Variants in EGFLAM observed in about 807,000 individuals in gnomAD.
EGFLAM encodes the protein EGF like, fibronectin type III and laminin G domains.
A neutral mutation model predicts 113.1 loss-of-function variants in EGFLAM; 79 were observed. The observed-to-expected ratio is 0.70, with a 90% CI of 0.58 to 0.84. The LOEUF (loss-of-function observed/expected upper bound fraction) is 0.84, where lower values mean the gene tolerates loss of function less well. Among genes scored for constraint, EGFLAM ranks in the 40% least tolerant of loss-of-function variants. The pLI, the probability that EGFLAM is intolerant of heterozygous loss-of-function variation, is 0.00. For synonymous variants in EGFLAM, 504 were observed against 487.6 expected, an observed-to-expected ratio of 1.03 and a Z score of -0.44; for missense variants, 1,265 against 1,291.6, an observed-to-expected ratio of 0.98 and a Z score of 0.32.
intron 1 of EGFLAM, among the ~76,000 whole-genome samples, chr5:38,276,804 T>C (rs939940818): frequency 6.6e-6 from 1 of 151,834 alleles, no homozygotes. Context: ...CACCAACAAA[T>C]TGGACAATCT....
intron 1 of EGFLAM, among the ~76,000 whole-genome samples, chr5:38,278,051 G>A (rs1002099198): frequency 2.0e-5 from 3 of 151,960 alleles, no homozygotes; most frequent in Admixed American, 2.0e-4. Flanking sequence ...CCTAAAATTT[G>A]TATGGAACCA....
intron 18 of EGFLAM, among the ~76,000 whole-genome samples, chr5:38,448,848 C>T (rs1345269734): frequency 1.3e-5 from 2 of 152,176 alleles, no homozygotes; most frequent in East Asian, 1.9e-4. Context: ...CTGCTGAGTC[C>T]ATACCTACCC....
At chr5:38,454,149 C>T (rs1269352348) in intron 19 of EGFLAM, among the ~76,000 whole-genome samples, 2 of 152,192 alleles carry the variant, frequency 1.3e-5, no homozygotes, top group African/African-American at 4.8e-5. Flanking sequence ...TGTTATCCCA[C>T]CACATCAATG....
At chr5:38,261,751 T>C (rs1757505809) in intron 1 of EGFLAM, among the ~76,000 whole-genome samples, 1 of 152,064 alleles carries the variant, frequency 6.6e-6, no homozygotes, top group South Asian at 2.1e-4. Flanking sequence ...GACAACAGAG[T>C]GCATATGATA....
chr5:38,272,514 G>A (rs1398144256), intron 1 of EGFLAM, among the ~76,000 whole-genome samples: 2 of 152,170 alleles, frequency 1.3e-5, no homozygotes, highest in East Asian at 3.9e-4. Context: ...AAGTAAAACA[G>A]TACTCCAATT....
rs531858934 is a variant in EGFLAM at position 38,332,059 on chromosome 5, C to T, written c.98-5461C>T. The stretch of plus-strand genomic sequence containing the variant: ...TTCCCACCAGTGATGAATGAGAGTC[C>T]TGTTGCTCCACATCCTTGCCAAAAT... On this transcript the variant is annotated intron_variant, in intron 1 of 21. Transcript: ENST00000322350. Among the ~76,000 whole-genome samples the T allele has an allele frequency of 9.9e-5, 15 of 152,272 alleles. No homozygotes were observed. The East Asian group carries it at 2.9e-3, about 29-fold the overall frequency.
At chr5:38,283,107 G>C (rs759831756) in intron 1 of EGFLAM, among the ~76,000 whole-genome samples, 19 of 152,158 alleles carry the variant, frequency 1.2e-4, no homozygotes, top group Admixed American at 6.5e-4. Flanking sequence ...AAAGTGCTGG[G>C]ATTATAAGTG....
chr5:38,286,794 T>C (rs1408265048), intron 1 of EGFLAM, among the ~76,000 whole-genome samples: 1 of 152,206 alleles, frequency 6.6e-6, no homozygotes. Context: ...TATAAAATAG[T>C]GAGTAGACAT....
chr5:38,268,823 A>G (rs919920554), intron 1 of EGFLAM, among the ~76,000 whole-genome samples: 5 of 152,210 alleles, frequency 3.3e-5, no homozygotes, highest in Admixed American at 3.3e-4. Flanking sequence ...GTATATGGGT[A>G]AGTGCATATG....
chr5:38,395,286 C>T (rs1740931357), intron 6 of EGFLAM, among the ~76,000 whole-genome samples: 1 of 148,732 alleles, frequency 6.7e-6, no homozygotes, highest in Non-Finnish European at 1.5e-5. Flanking sequence ...GTCTGTCACC[C>T]AGGCTGGAGG....
intron 16 of EGFLAM, among the ~76,000 whole-genome samples, chr5:38,435,878 C>T (rs1174402322): frequency 1.5e-5 from 2 of 129,148 alleles, no homozygotes; most frequent in Admixed American, 9.9e-5. Context: ...AGCGCAGTGG[C>T]GTGATCTCGG....
At position 38,448,384 on chromosome 5, in the gene EGFLAM, T is replaced by C; in HGVS notation, c.2543+5T>C. The C allele has an allele frequency of 6.2e-7, 1 of 1,614,066 alleles. No homozygotes were observed. The highest frequency in any genetic ancestry group is 1.3e-5 in the African/African-American group (1 of 75,014). On this transcript the variant is annotated splice_donor_5th_base_variant and intron_variant, in intron 18 of 21. Coordinates refer to ENST00000322350, the MANE Select transcript of EGFLAM (RefSeq NM_152403.4). ...CAACCCAGATATCTTGAAGAGGTAA[T>C]AAGCTTCAACAGGCACCTTCCTCAG...
chr5:38,394,368 G>A (rs1005497023), intron 6 of EGFLAM, among the ~76,000 whole-genome samples: 2 of 151,578 alleles, frequency 1.3e-5, no homozygotes, highest in Non-Finnish European at 2.9e-5. Context: ...CTTGTGTTAC[G>A]TGTTACTTTT....
chr5:38,367,520 G>A (rs746346899), intron 5 of EGFLAM, among the ~76,000 whole-genome samples: 6 of 151,900 alleles, frequency 3.9e-5, no homozygotes, highest in Non-Finnish European at 5.9e-5. Context: ...CAAAGTGCTG[G>A]GATTACAGGC....
intron 6 of EGFLAM, among the ~76,000 whole-genome samples, chr5:38,383,598 A>G (rs1195663108): frequency 6.6e-6 from 1 of 152,218 alleles, no homozygotes; most frequent in East Asian, 1.9e-4. Flanking sequence ...GGGTTTTAGC[A>G]GTAAACAAGA....
intron 5 of EGFLAM, among the ~76,000 whole-genome samples, chr5:38,352,658 A>C (rs1739660858): frequency 6.6e-6 from 1 of 152,074 alleles, no homozygotes; most frequent in South Asian, 2.1e-4. Context: ...AAAAAAAAAA[A>C]AAAGCCAAAT....
chr5:38,447,271 G>A (rs1360339925), intron 17 of EGFLAM, among the ~76,000 whole-genome samples: 1 of 152,204 alleles, frequency 6.6e-6, no homozygotes, highest in Non-Finnish European at 1.5e-5. Flanking sequence ...ATATTGGAAA[G>A]TTGAGAGGGG....
intron 1 of EGFLAM, among the ~76,000 whole-genome samples, chr5:38,277,137 C>G (rs1757904452): frequency 6.6e-6 from 1 of 151,984 alleles, no homozygotes; most frequent in Non-Finnish European, 1.5e-5. Flanking sequence ...GCCAATATCC[C>G]CAGCAAACTT....
intron 3 of EGFLAM, among the ~76,000 whole-genome samples, chr5:38,340,253 G>A (rs1385917616): frequency 3.3e-5 from 5 of 152,216 alleles, no homozygotes; most frequent in African/African-American, 1.2e-4. Context: ...GTTGGGTAAT[G>A]TTGGTCAGAG....
Sources: gnomAD v4.1 joint callset for allele counts (sites outside exome capture counted in the v4.1 genomes callset) on GRCh38, gnomAD v4.1.1 for gene constraint, MANE v1.5 for transcripts, NCBI Gene and HGNC (gene_info 2026-07-23, HGNC 2026-07-21) for gene names.